Variants in ATP6V0A4 observed in about 807,000 individuals in gnomAD.
ATP6V0A4 encodes the protein V-type proton ATPase 116 kDa subunit a 4.
Under a neutral mutation model 107.3 loss-of-function variants are expected in ATP6V0A4, and 86 were observed. That is an observed-to-expected ratio of 0.80 (90% confidence interval 0.67 to 0.96). ATP6V0A4 has a LOEUF of 0.96. Ranked by LOEUF, ATP6V0A4 falls within the 40% of genes least tolerant of loss-of-function variation. ATP6V0A4 has a pLI of 0.00. For synonymous variants in ATP6V0A4, 353 were observed against 381.4 expected (o/e 0.93, Z 0.87); for missense variants, 908 against 1,045.6 (o/e 0.87, Z 1.81).
At chr7:138,741,343 C>T (rs1562994810) in intron 14 of ATP6V0A4, among the ~76,000 whole-genome samples, 3 of 152,186 alleles carry the variant, frequency 2.0e-5, no homozygotes, top group South Asian at 2.1e-4. Context: ...GACCGTGACT[C>T]GCTTGCCCAG....
At chr7:138,719,054 C>T (rs1316303992) in intron 19 of ATP6V0A4, among the ~76,000 whole-genome samples, 1 of 152,046 alleles carries the variant, frequency 6.6e-6, no homozygotes. Context: ...GGTGTGGTGG[C>T]ATGCACCTGC....
chr7:138,716,688 C>T (rs903628629), intron 19 of ATP6V0A4, among the ~76,000 whole-genome samples: 2 of 152,038 alleles, frequency 1.3e-5, no homozygotes, highest in Non-Finnish European at 2.9e-5. Flanking sequence ...CTCAGCCTAC[C>T]GAGTAGCTGG....
chr7:138,753,237 T>G (rs1390921203), intron 10 of ATP6V0A4, among the ~76,000 whole-genome samples: 1 of 152,090 alleles, frequency 6.6e-6, no homozygotes, highest in African/African-American at 2.4e-5. Flanking sequence ...ATAAGAAACG[T>G]AGACACAGAG....
chr7:138,758,081 G>A (rs539048695), intron 8 of ATP6V0A4, among the ~76,000 whole-genome samples: 8 of 152,104 alleles, frequency 5.3e-5, no homozygotes, highest in African/African-American at 1.4e-4. Context: ...GGTGACCTTC[G>A]GCGTCCACGC....
At chr7:138,731,717 A>AC (rs1398867065) in intron 17 of ATP6V0A4, among the ~76,000 whole-genome samples, 1 of 151,852 alleles carries the variant, frequency 6.6e-6, no homozygotes, top group Non-Finnish European at 1.5e-5. Context: ...ACATGGTGAA[A>AC]CCCCGTCTCT....
At chr7:138,717,483 T>G (rs78534320) in intron 19 of ATP6V0A4, among the ~76,000 whole-genome samples, 40,896 of 151,576 alleles carry the variant, frequency 0.27, 5,804 homozygotes, top group South Asian at 0.41. Context: ...AGGTGGAGGT[T>G]GCAGTGAGCC....
rs142284311 is a variant in ATP6V0A4, at chr7:138,776,656, G to T, written c.-17-5392C>A. Among the ~76,000 whole-genome samples, 4 of 152,240 alleles carry T rather than the reference G, an allele frequency of 2.6e-5. No individual in the cohort carries two copies. In the East Asian group the frequency reaches 7.7e-4, roughly 29 times the overall value. ...GCGGGTGGGGCCATAGTTTTCAAAC[G>T]TCTGGGTGCTCAGAAACCACTCAGG... On this transcript the variant is annotated intron_variant, in intron 2 of 21. Coordinates refer to ENST00000310018, the MANE Select transcript of ATP6V0A4 (RefSeq NM_020632.3).
intron 18 of ATP6V0A4, among the ~76,000 whole-genome samples, chr7:138,722,368 A>G (rs1235869054): frequency 6.6e-6 from 1 of 151,702 alleles, no homozygotes; most frequent in African/African-American, 2.4e-5. Flanking sequence ...ATAAAAAAAG[A>G]AAAGAAATGT....
intron 20 of ATP6V0A4, among the ~76,000 whole-genome samples, chr7:138,710,437 G>A (rs1159643667): frequency 4.6e-5 from 7 of 152,014 alleles, no homozygotes; most frequent in Admixed American, 6.6e-5. Context: ...TAATCCACCC[G>A]CCTCGGCCTC....
chr7:138,757,947 C>T (rs1289844615), intron 8 of ATP6V0A4, among the ~76,000 whole-genome samples: 1 of 152,204 alleles, frequency 6.6e-6, no homozygotes, highest in Non-Finnish European at 1.5e-5. Flanking sequence ...TGCTGCGTTA[C>T]ATTATTTCCA....
At chr7:138,710,678 T>C in intron 20 of ATP6V0A4, among the ~76,000 whole-genome samples, 1 of 152,232 alleles carries the variant, frequency 6.6e-6, no homozygotes, top group East Asian at 1.9e-4. Flanking sequence ...CACTGCAATG[T>C]ACAAGGGCAC....
At chr7:138,732,662 C>T (rs557868826) in intron 17 of ATP6V0A4, among the ~76,000 whole-genome samples, 1 of 151,616 alleles carries the variant, frequency 6.6e-6, no homozygotes, top group Non-Finnish European at 1.5e-5. Flanking sequence ...GGCGTGGTGG[C>T]GTGCACCTGT....
rs1376905636 is a variant in ATP6V0A4 at position 138,707,331 on chromosome 7, T to TATATATA, written c.2430-615_2430-614insTATATAT. 2.5e-4 allele frequency among the ~76,000 whole-genome samples: 25 copies of TATATATA among 101,094 alleles called. 1 individual carries two copies. In the South Asian group the frequency reaches 3.3e-3, roughly 13 times the overall value. 66.3% of individuals were successfully genotyped at this position (101,094 alleles called of 152,430 possible). On this transcript the variant is annotated intron_variant, in intron 21 of 21. Transcript: ENST00000310018. ...ATATTTATTTATATTTATATTTATATTTATAATATATATATTATAATATAT... is the reference window on the plus strand; with the variant it reads ...ATATTTATTTATATTTATATTTATATATATATATTATAATATATATATTATAATATAT...
In ATP6V0A4 at chr7:138,722,093, A is replaced by T; in HGVS notation, c.2011-68T>A. 1.9e-6 allele frequency: 3 copies of T among 1,597,862 alleles called. No individual in the cohort carries two copies. The South Asian group carries it at 3.4e-5, about 18-fold the overall frequency. Reference sequence around the variant, plus strand: ...TGAGAATTCTAACACATATAAATATAAATAAAGGCTCTCCTCAAATACTAC... The same window carrying T: ...TGAGAATTCTAACACATATAAATATTAATAAAGGCTCTCCTCAAATACTAC... On this transcript the variant is annotated intron_variant, in intron 18 of 21. Coordinates refer to ENST00000310018, the MANE Select transcript of ATP6V0A4 (RefSeq NM_020632.3).
At chr7:138,778,789 T>A (rs1807789308) in intron 2 of ATP6V0A4, among the ~76,000 whole-genome samples, 1 of 151,536 alleles carries the variant, frequency 6.6e-6, no homozygotes, top group African/African-American at 2.4e-5. Context: ...TCAGCCCCAC[T>A]CTGTGGTAAC....
chr7:138,731,088 C>T (rs1804989574), intron 17 of ATP6V0A4, among the ~76,000 whole-genome samples: 2 of 152,104 alleles, frequency 1.3e-5, no homozygotes, highest in Admixed American at 1.3e-4. Flanking sequence ...CACCTGCCAC[C>T]ATGCCCAGCT....
rs556217916 is a variant in ATP6V0A4, at chr7:138,711,573, C to T, written c.2258-1778G>A. ...ACATGATAAACGCAGAGACATGGAA[C>T]GCAAGGAAGAGGACCCCTATTTGCT... On this transcript the variant is annotated intron_variant, in intron 20 of 21. Coordinates refer to ENST00000310018, the MANE Select transcript of ATP6V0A4 (RefSeq NM_020632.3). Among the ~76,000 whole-genome samples the T allele has an allele frequency of 2.6e-5, 4 of 152,276 alleles. No individual in the cohort carries two copies. In the East Asian group the frequency reaches 5.8e-4, roughly 22 times the overall value.
chr7:138,709,208 CAAA>C (rs60144433), intron 21 of ATP6V0A4, among the ~76,000 whole-genome samples: 1 of 49,336 alleles, frequency 2.0e-5, no homozygotes, highest in African/African-American at 7.5e-5. Flanking sequence ...GAGCCTGTCT[CAAA>C]AAAAAAAAAA....
intron 5 of ATP6V0A4, among the ~76,000 whole-genome samples, chr7:138,764,693 G>A (rs1194214554): frequency 2.6e-5 from 4 of 152,170 alleles, no homozygotes; most frequent in Admixed American, 2.6e-4. Context: ...CAGTGAATCA[G>A]AAATCACAAT....
Sources: allele counts gnomAD v4.1 joint callset (sites outside exome capture counted in the v4.1 genomes callset), GRCh38; gene constraint gnomAD v4.1.1; transcripts MANE v1.5; gene names NCBI Gene and HGNC (gene_info 2026-07-23, HGNC 2026-07-21).